Variants in MALT1 observed in about 807,000 individuals in gnomAD.
MALT1 encodes mucosa-associated lymphoid tissue lymphoma translocation protein 1.
A neutral mutation model predicts 85.5 loss-of-function variants in MALT1; 36 were observed. That is an observed-to-expected ratio of 0.42 (90% CI 0.32 to 0.56). The LOEUF (loss-of-function observed/expected upper bound fraction) is 0.56, where lower values mean the gene tolerates loss of function less well. Ranked by LOEUF, MALT1 falls within the 20% of genes least tolerant of loss-of-function variation. The probability of loss-of-function intolerance (pLI) is 0.10; values close to 1 mark genes in which losing one functional copy is unlikely to be tolerated. For missense variants in MALT1, 716 were observed against 981.6 expected, an observed-to-expected ratio of 0.73 and a Z score of 3.62; for synonymous variants, 359 against 361.3, an observed-to-expected ratio of 0.99 and a Z score of 0.07.
Position 58,744,616 on chromosome 18 carries a change from A to G in MALT1, c.1911+121A>G, listed in dbSNP as rs1041542105. 8 of 381,174 alleles carry G rather than the reference A, an allele frequency of 2.1e-5. 1 individual carries two copies. The highest frequency in any genetic ancestry group is 1.3e-4 in the African/African-American group (6 of 46,980). The allele number at this position is 381,174 out of a possible 1,614,324, so 23.6% of individuals were successfully genotyped here. Reference sequence around the variant, plus strand: ...AATATATATATTTATATATGTGTATATATTTATAGTTTAGTAACACTGATC... The same window carrying G: ...AATATATATATTTATATATGTGTATGTATTTATAGTTTAGTAACACTGATC... On this transcript the variant is annotated intron_variant, in intron 15 of 16. Coordinates refer to ENST00000649217, the MANE Select transcript of MALT1 (RefSeq NM_006785.4).
At chr18:58,711,865 A>G (rs1330474748) in intron 7 of MALT1, among the ~76,000 whole-genome samples, 2 of 152,190 alleles carry the variant, frequency 1.3e-5, no homozygotes, top group Admixed American at 1.3e-4. Flanking sequence ...TCTCTCTTGT[A>G]AGAGAGTTCT....
At chr18:58,746,948 G>A (rs1354052725) in intron 16 of MALT1, among the ~76,000 whole-genome samples, 1 of 152,110 alleles carries the variant, frequency 6.6e-6, no homozygotes, top group Non-Finnish European at 1.5e-5. Context: ...GACTGGTCTT[G>A]AACTCCTAAC....
At chr18:58,712,384 T>G (rs2054842517) in intron 7 of MALT1, among the ~76,000 whole-genome samples, 1 of 152,144 alleles carries the variant, frequency 6.6e-6, no homozygotes. Flanking sequence ...AAAAAAGGAA[T>G]GAAATGATGT....
rs2055406584 is a variant in MALT1, at chr18:58,748,686, T to A, written c.*844T>A. 5.2e-6 allele frequency: 1 copy of A among 193,362 alleles called. No individual in the cohort carries two copies. The highest frequency in any genetic ancestry group is 6.1e-5 in the Admixed American group (1 of 16,352). The allele number at this position is 193,362 out of a possible 1,614,324, so 12.0% of individuals were successfully genotyped here. A position where few individuals can be genotyped will look rare whatever the true frequency, so the allele number is the denominator to read the frequency against. On this transcript the variant is annotated 3_prime_UTR_variant, in exon 17 of 17. Coordinates refer to ENST00000649217, the MANE Select transcript of MALT1 (RefSeq NM_006785.4). Reference sequence around the variant, plus strand: ...TGATAATATGTATTTTCTTCTTGAATTTCACTGGCCTAATGAGATAATACT... The same window carrying A: ...TGATAATATGTATTTTCTTCTTGAAATTCACTGGCCTAATGAGATAATACT...
intron 10 of MALT1, among the ~76,000 whole-genome samples, chr18:58,731,014 C>T (rs1472145746): frequency 3.3e-5 from 5 of 152,018 alleles, no homozygotes; most frequent in Admixed American, 1.3e-4. Context: ...GCTAGTGGCA[C>T]GATCTCAGCT....
At chr18:58,695,607 A>G (rs1217306362) in intron 2 of MALT1, among the ~76,000 whole-genome samples, 4 of 152,176 alleles carry the variant, frequency 2.6e-5, no homozygotes, top group African/African-American at 4.8e-5. Flanking sequence ...TGCTTCCATA[A>G]TACAGTACCA....
chr18:58,733,101 G>T (rs1413788054), intron 10 of MALT1, among the ~76,000 whole-genome samples: 1 of 151,998 alleles, frequency 6.6e-6, no homozygotes, highest in Non-Finnish European at 1.5e-5. Flanking sequence ...AGGAGAGATG[G>T]GGTTTCACCA....
At chr18:58,726,017 T>C (rs1166835435) in intron 10 of MALT1, among the ~76,000 whole-genome samples, 1 of 152,092 alleles carries the variant, frequency 6.6e-6, no homozygotes, top group Non-Finnish European at 1.5e-5. Flanking sequence ...GCCAAGATCA[T>C]GCCACTGCAC....
At chr18:58,705,322 G>GTGTGTGTGTGTGTA (rs1555685559) in intron 4 of MALT1, among the ~76,000 whole-genome samples, 22 of 148,258 alleles carry the variant, frequency 1.5e-4, no homozygotes, top group African/African-American at 5.5e-4. Context: ...GTGTGTGTGT[G>GTGTGTGTGTGTGTA]TATTTATTTT....
intron 1 of MALT1, 24 bp downstream of exon 1, chr18:58,671,876 C>T (rs1003010019): frequency 3.0e-5 from 36 of 1,206,692 alleles, no homozygotes; most frequent in East Asian, 1.7e-4. Context: ...CGCGGCAGGC[C>T]GGGCGCGCGG....
Position 58,741,862 on chromosome 18 carries a change from T to C in MALT1, c.1604-3T>C. ...AAATAATATTTATTTTCATATCTTTTAGATATGGGTAAGTGTCACCTTACC... is the reference window on the plus strand; with the variant it reads ...AAATAATATTTATTTTCATATCTTTCAGATATGGGTAAGTGTCACCTTACC... On this transcript the variant is annotated splice_polypyrimidine_tract_variant and splice_region_variant and intron_variant, in intron 13 of 16. Transcript: ENST00000649217. 1.4e-6 allele frequency: 2 copies of C among 1,465,876 alleles called. No individual in the cohort carries two copies. Among genetic ancestry groups the C allele is most frequent in the Non-Finnish European group, 1.8e-6 (2 of 1,083,942 alleles). 90.8% of individuals were successfully genotyped at this position (1,465,876 alleles called of 1,614,324 possible).
At chr18:58,727,427 C>T (rs2055072178) in intron 10 of MALT1, among the ~76,000 whole-genome samples, 1 of 152,140 alleles carries the variant, frequency 6.6e-6, no homozygotes, top group Non-Finnish European at 1.5e-5. Context: ...CCTGAGCCCC[C>T]AGAGTAGCTG....
chr18:58,672,624 A>G (rs1252005847), intron 1 of MALT1: 1 of 152,242 alleles, frequency 6.6e-6, no homozygotes, highest in East Asian at 1.9e-4. Flanking sequence ...ACATTTAAAA[A>G]ATATTAATTT....
intron 4 of MALT1, among the ~76,000 whole-genome samples, chr18:58,701,415 C>G (rs2054670975): frequency 6.6e-6 from 1 of 152,202 alleles, no homozygotes; most frequent in Non-Finnish European, 1.5e-5. Flanking sequence ...AGCCTCAGCT[C>G]CCTCTGCTGC....
At chr18:58,744,047 C>CA (rs2055335319) in intron 14 of MALT1, among the ~76,000 whole-genome samples, 1 of 151,938 alleles carries the variant, frequency 6.6e-6, no homozygotes, top group East Asian at 1.9e-4. Flanking sequence ...ATTAAAAATT[C>CA]TGGTCATATA....
In MALT1 at chr18:58,733,364, CATCT is replaced by C. The variant is rs755709625; in HGVS notation, c.1223-28_1223-25del. 26 of 1,404,754 alleles carry C rather than the reference CATCT, an allele frequency of 1.9e-5. No homozygotes were observed. In the Admixed American group the frequency reaches 2.4e-4, roughly 13 times the overall value. The allele number at this position is 1,404,754 out of a possible 1,614,324, so 87.0% of individuals were successfully genotyped here. ...ATGTTCAGAGTGCATTTAGAATTGA[CATCT>C]ATCTCTCTCTTATTTTTCCTCTTTT... On this transcript the variant is annotated intron_variant, in intron 10 of 16. Transcript: ENST00000649217.
At position 58,741,842 on chromosome 18, in the gene MALT1, ATATT is replaced by A. The variant is rs1837495803; in HGVS notation, c.1604-17_1604-14del. 7.0e-7 allele frequency: 1 copy of A among 1,418,686 alleles called. No individual in the cohort carries two copies. The allele number at this position is 1,418,686 out of a possible 1,614,324, so 87.9% of individuals were successfully genotyped here. A position where few individuals can be genotyped will look rare whatever the true frequency, so the allele number is the denominator to read the frequency against. On this transcript the variant is annotated intron_variant, in intron 13 of 16. Coordinates refer to ENST00000649217, the MANE Select transcript of MALT1 (RefSeq NM_006785.4). ...ATAAGAATTGGTGGTCTTAAAAATA[ATATT>A]TATTTTCATATCTTTTAGATATGGG...
chr18:58,754,135 A>T lies in MALT1; in HGVS notation c.*6293A>T, dbSNP rs975893191. The T allele has an allele frequency of 6.6e-6, 1 of 152,138 alleles. No individual in the cohort carries two copies. Among genetic ancestry groups the T allele is most frequent in the Non-Finnish European group, 1.5e-5 (1 of 68,032 alleles). The allele number at this position is 152,138 out of a possible 1,614,324, so 9.4% of individuals were successfully genotyped here. ...TTAGGCTAACCAGAGGTGTTACTAT[A>T]CCCTCCAGGATAACCCAGCTAGTAA... On this transcript the variant is annotated 3_prime_UTR_variant, in exon 17 of 17. Transcript: ENST00000649217.
At chr18:58,677,184 T>G (rs1459986326) in intron 1 of MALT1, among the ~76,000 whole-genome samples, 1 of 128,546 alleles carries the variant, frequency 7.8e-6, no homozygotes, top group African/African-American at 3.5e-5. Flanking sequence ...ATACGGAAAA[T>G]CAGTAAAAAC....
Sources: allele counts gnomAD v4.1 joint callset (sites outside exome capture counted in the v4.1 genomes callset), GRCh38; gene constraint gnomAD v4.1.1; transcripts MANE v1.5; gene names NCBI Gene and HGNC (gene_info 2026-07-23, HGNC 2026-07-21).